DGLUCY: variants seen among roughly 807,000 people sequenced by gnomAD.
The protein encoded by DGLUCY is D-glutamate cyclase, mitochondrial.
A neutral mutation model predicts 58.5 loss-of-function variants in DGLUCY; 58 were observed. The observed-to-expected ratio is 0.99, with a 90% CI of 0.80 to 1.23. The LOEUF is 1.23. Among genes scored for constraint, DGLUCY ranks in the 50% most tolerant of loss-of-function variants. The pLI is 0.00. For synonymous variants in DGLUCY, 325 were observed against 314.1 expected, an observed-to-expected ratio of 1.03 and a Z score of -0.37; for missense variants, 779 against 784.7, an observed-to-expected ratio of 0.99 and a Z score of 0.09.
chr14:91,163,625 G>A (rs532259946), intron 3 of DGLUCY, among the ~76,000 whole-genome samples: 1 of 152,208 alleles, frequency 6.6e-6, no homozygotes, highest in East Asian at 1.9e-4. Context: ...TCCCCTCCTA[G>A]GGAAACCCAG....
chr14:91,113,783 G>A (rs1414714826), upstream of DGLUCY, among the ~76,000 whole-genome samples: 1 of 152,216 alleles, frequency 6.6e-6, no homozygotes, highest in Non-Finnish European at 1.5e-5. Context: ...CAGCACAGAT[G>A]GCGATTCACC....
At chr14:91,151,080 G>T (rs2047311128) in intron 1 of DGLUCY, among the ~76,000 whole-genome samples, 1 of 152,208 alleles carries the variant, frequency 6.6e-6, no homozygotes, top group Non-Finnish European at 1.5e-5. Flanking sequence ...TGTCACTTAT[G>T]TCTGACTTAT....
At chr14:91,174,988 G>GT (rs1179316604) in intron 6 of DGLUCY, among the ~76,000 whole-genome samples, 2 of 151,928 alleles carry the variant, frequency 1.3e-5, no homozygotes, top group South Asian at 2.1e-4. Context: ...TTTAGGTAGA[G>GT]TTTTTTTCTC....
At chr14:91,213,254 G>A (rs1347559843) in intron 12 of DGLUCY, among the ~76,000 whole-genome samples, 2 of 152,134 alleles carry the variant, frequency 1.3e-5, no homozygotes, top group Admixed American at 6.6e-5. Context: ...GGCCAACGCA[G>A]TAAAACTCCA....
chr14:91,192,745 A>C (rs2049973876), intron 9 of DGLUCY, among the ~76,000 whole-genome samples: 1 of 152,232 alleles, frequency 6.6e-6, no homozygotes, highest in Non-Finnish European at 1.5e-5. Context: ...TGGAGGTTGC[A>C]GTTAGCCAAG....
chr14:91,088,338 T>C (rs1029062467), intron 1 of DGLUCY, among the ~76,000 whole-genome samples: 3 of 152,160 alleles, frequency 2.0e-5, no homozygotes, highest in African/African-American at 7.2e-5. Context: ...TTGAATGTGA[T>C]TCGGAGCTTC....
intron 1 of DGLUCY, among the ~76,000 whole-genome samples, chr14:91,068,193 G>A (rs2043859798): frequency 6.6e-6 from 1 of 151,984 alleles, no homozygotes; most frequent in Admixed American, 6.6e-5. Context: ...ACCTTTTGAT[G>A]CACCAGATAC....
In DGLUCY at chr14:91,181,378, G is replaced by T. The variant is rs771967892; in HGVS notation, c.923G>T (p.Gly308Val). Reference sequence around the variant, plus strand: ...ATCAGAGAACTAGAGTCTATGATCGGCATAGACCCAGGTAAGAAACAACAC... The same window carrying T: ...ATCAGAGAACTAGAGTCTATGATCGTCATAGACCCAGGTAAGAAACAACAC... The part of the protein sequence containing the change: ...QKIRELESMI[G>V]IDPGNRGIGH... Residue 308 changes from glycine (G) to valine (V), a missense_variant, in exon 8 of 14, where the codon GGC (glycine) becomes GTC (valine). By Grantham distance (109) the Gly-to-Val change is moderately radical. Coordinates refer to ENST00000256324, the MANE Select transcript of DGLUCY (RefSeq NM_001102368.3). The T allele has an allele frequency of 2.5e-6, 4 of 1,612,908 alleles. No individual in the cohort carries two copies. In the Admixed American group the frequency reaches 5.0e-5, roughly 20 times the overall value.
intron 1 of DGLUCY, among the ~76,000 whole-genome samples, chr14:91,074,294 C>CAA (rs55872945): frequency 6.4e-4 from 66 of 103,268 alleles, no homozygotes; most frequent in South Asian, 9.3e-4. Flanking sequence ...TACCCTGTCT[C>CAA]AAAAAAAAAA....
intron 1 of DGLUCY, among the ~76,000 whole-genome samples, chr14:91,100,828 T>C (rs1270968149): frequency 1.3e-5 from 2 of 152,186 alleles, no homozygotes; most frequent in Non-Finnish European, 2.9e-5. Context: ...CCCAGCACTT[T>C]GGGAAGCCGA....
intron 1 of DGLUCY, among the ~76,000 whole-genome samples, chr14:91,146,435 T>G (rs947110783): frequency 1.3e-5 from 2 of 152,206 alleles, no homozygotes; most frequent in African/African-American, 4.8e-5. Context: ...TAAGCGCAGG[T>G]CCTTCCTCGG....
In DGLUCY at chr14:91,167,379, G is replaced by C; in HGVS notation, c.257+1G>C. The C allele has an allele frequency of 1.9e-6, 3 of 1,614,150 alleles. No homozygotes were observed. The highest frequency in any genetic ancestry group is 2.5e-6 in the Non-Finnish European group (3 of 1,180,034). On this transcript the variant is annotated splice_donor_variant, in intron 4 of 13. Transcript: ENST00000256324. LOFTEE classifies it high-confidence loss of function. ...CTCAAGGTGCTATCTCAGAGACCAG[G>C]TAAAAAGCTTGGGTTACTGTGGGTT...
intron 1 of DGLUCY, among the ~76,000 whole-genome samples, chr14:91,062,565 A>T (rs1179301221): frequency 2.3e-4 from 1 of 4,290 alleles, no homozygotes; most frequent in African/African-American, 1.1e-3. Context: ...AAAAATATAT[A>T]TATATATATA....
intron 12 of DGLUCY, among the ~76,000 whole-genome samples, chr14:91,206,653 G>T (rs1884755431): frequency 6.6e-6 from 1 of 152,114 alleles, no homozygotes; most frequent in Non-Finnish European, 1.5e-5. Context: ...AAAGTGCTGG[G>T]ATTACAGGCA....
rs536494649 is a variant in DGLUCY, at chr14:91,153,372, A to C, written c.-81-4267A>C. 5.3e-5 allele frequency among the ~76,000 whole-genome samples: 8 copies of C among 152,198 alleles called. 1 individual carries two copies. The South Asian group carries it at 1.7e-3, about 32-fold the overall frequency. ...TAATTTTTGTATTTTTAGTAGAGAC[A>C]GGGTTTCACCATGTTGGCCAGGCTG... On this transcript the variant is annotated intron_variant, in intron 1 of 13. Transcript: ENST00000256324.
intron 9 of DGLUCY, among the ~76,000 whole-genome samples, chr14:91,193,654 A>G (rs1024613878): frequency 6.6e-6 from 1 of 152,118 alleles, no homozygotes. Context: ...CAGCCTGGCC[A>G]ACATGGTGAA....
chr14:91,108,114 T>C (rs2044622276), intron 1 of DGLUCY: 2 of 152,636 alleles, frequency 1.3e-5, no homozygotes, highest in Non-Finnish European at 2.9e-5. Context: ...GAGAAGGCAG[T>C]TGGAGCAAAT....
At chr14:91,148,842 A>C (rs1405940256) in intron 1 of DGLUCY, 1 of 152,262 alleles carries the variant, frequency 6.6e-6, no homozygotes, top group Non-Finnish European at 1.5e-5. Flanking sequence ...GCAGCTACTG[A>C]GGAAGCTGAG....
At chr14:91,094,155 G>GGC (rs2140070659) in intron 1 of DGLUCY, among the ~76,000 whole-genome samples, 1 of 152,238 alleles carries the variant, frequency 6.6e-6, no homozygotes, top group Non-Finnish European at 1.5e-5. Flanking sequence ...AGCAACTACA[G>GGC]GCTGGGCACG....
Sources: gnomAD v4.1 joint callset for allele counts (sites outside exome capture counted in the v4.1 genomes callset) on GRCh38, gnomAD v4.1.1 for gene constraint, MANE v1.5 for transcripts, NCBI Gene and HGNC (gene_info 2026-07-23, HGNC 2026-07-21) for gene names.